CNTNAP2: variants seen among roughly 807,000 people sequenced by gnomAD.
The protein encoded by CNTNAP2 is contactin-associated protein-like 2.
Under a neutral mutation model 155.2 loss-of-function variants are expected in CNTNAP2, and 98 were observed. The observed-to-expected ratio is 0.63, with a 90% confidence interval of 0.54 to 0.75. The LOEUF (loss-of-function observed/expected upper bound fraction) is 0.75, where lower values mean the gene tolerates loss of function less well. Ranked by LOEUF, CNTNAP2 falls within the 30% of genes least tolerant of loss-of-function variation. CNTNAP2 has a pLI of 0.00. For synonymous variants in CNTNAP2, 651 were observed against 631.2 expected, an observed-to-expected ratio of 1.03 and a Z score of -0.47; for missense variants, 1,727 against 1,688.1, an observed-to-expected ratio of 1.02 and a Z score of -0.40.
intron 15 of CNTNAP2, among the ~76,000 whole-genome samples, chr7:148,063,904 A>G (rs769551085): frequency 6.6e-6 from 1 of 152,018 alleles, no homozygotes; most frequent in Non-Finnish European, 1.5e-5. Context: ...GTTAATTTTT[A>G]TATAAGGTGA....
At chr7:147,735,090 T>C (rs1796817819) in intron 13 of CNTNAP2, among the ~76,000 whole-genome samples, 1 of 152,138 alleles carries the variant, frequency 6.6e-6, no homozygotes, top group South Asian at 2.1e-4. Flanking sequence ...CTCTTGCTTC[T>C]CTAGTTCTTT....
At chr7:147,422,969 T>C (rs1764877412) in intron 10 of CNTNAP2, among the ~76,000 whole-genome samples, 1 of 152,242 alleles carries the variant, frequency 6.6e-6, no homozygotes, top group African/African-American at 2.4e-5. Context: ...AACAAAATTT[T>C]AACTTCTTTG....
intron 9 of CNTNAP2, among the ~76,000 whole-genome samples, chr7:147,363,385 T>C (rs1796176249): frequency 6.6e-6 from 1 of 152,206 alleles, no homozygotes; most frequent in Non-Finnish European, 1.5e-5. Context: ...TATTTCTTCA[T>C]AGCAGCTCAA....
chr7:147,245,313 T>C (rs886265333), intron 8 of CNTNAP2, among the ~76,000 whole-genome samples: 1 of 152,096 alleles, frequency 6.6e-6, no homozygotes, highest in Non-Finnish European at 1.5e-5. Flanking sequence ...CTCTAGAGAA[T>C]GCATTGTGCA....
At chr7:146,412,203 G>T (rs2535754) in intron 1 of CNTNAP2, among the ~76,000 whole-genome samples, 56,081 of 151,966 alleles carry the variant, frequency 0.37, 11,134 homozygotes, top group African/African-American at 0.51. Flanking sequence ...AGCCCTGCAG[G>T]TCGGCTCCTG....
chr7:147,874,683 T>A (rs2116706468), intron 13 of CNTNAP2, among the ~76,000 whole-genome samples: 1 of 152,368 alleles, frequency 6.6e-6, no homozygotes, highest in South Asian at 2.1e-4. Flanking sequence ...CAGCTTTGTT[T>A]GTTTGTTTAT....
intron 13 of CNTNAP2, among the ~76,000 whole-genome samples, chr7:147,864,647 C>T (rs1365715912): frequency 6.6e-6 from 1 of 152,036 alleles, no homozygotes; most frequent in Non-Finnish European, 1.5e-5. Context: ...CCTTCACATC[C>T]CTTGTAAGTT....
chr7:147,110,906 G>A (rs1372700690), intron 5 of CNTNAP2, among the ~76,000 whole-genome samples: 1 of 152,082 alleles, frequency 6.6e-6, no homozygotes. Flanking sequence ...TGGGATTGCT[G>A]GGTCAAATGG....
intron 9 of CNTNAP2, among the ~76,000 whole-genome samples, chr7:147,359,765 C>G (rs1290721314): frequency 1.3e-5 from 2 of 152,008 alleles, no homozygotes; most frequent in Non-Finnish European, 2.9e-5. Context: ...CAAATGTCAC[C>G]TTCTTGATGA....
intron 15 of CNTNAP2, among the ~76,000 whole-genome samples, chr7:148,003,098 G>A (rs1801924887): frequency 1.3e-5 from 2 of 152,128 alleles, no homozygotes; most frequent in South Asian, 4.1e-4. Context: ...AAGAACTAGT[G>A]AGGAAGATGC....
intron 23 of CNTNAP2, 147 bp from the exon 24 acceptor site, chr7:148,415,266 TCTTA>T: frequency 1.2e-6 from 1 of 837,812 alleles, no homozygotes; most frequent in Non-Finnish European, 1.9e-6. Flanking sequence ...AAAACAGACA[TCTTA>T]CTTCATTTTT....
In CNTNAP2 at chr7:147,233,654, A is replaced by G. The variant is rs56896902; in HGVS notation, c.1349-66487A>G. 7.7e-3 allele frequency among the ~76,000 whole-genome samples: 1,170 copies of G among 152,002 alleles called. 16 individuals are homozygous for G. The highest frequency in any genetic ancestry group is 0.027 in the African/African-American group (1,117 of 41,530). On this transcript the variant is annotated intron_variant, in intron 8 of 23. Coordinates refer to ENST00000361727, the MANE Select transcript of CNTNAP2 (RefSeq NM_014141.6). ...TGGTCACACTCTAAAGAAATTGTTA[A>G]TATTATACACACACATACACATACA...
At chr7:146,475,967 C>G (rs1796871631) in intron 1 of CNTNAP2, among the ~76,000 whole-genome samples, 1 of 152,034 alleles carries the variant, frequency 6.6e-6, no homozygotes, top group Admixed American at 6.6e-5. Flanking sequence ...TAAAGGCACT[C>G]TAAATTGAAA....
chr7:148,373,446 C>A (rs1365801940), intron 21 of CNTNAP2, among the ~76,000 whole-genome samples: 1 of 152,142 alleles, frequency 6.6e-6, no homozygotes, highest in East Asian at 1.9e-4. Context: ...CAGAGCGAGA[C>A]TCAGTCTCAA....
At chr7:147,064,495 A>G (rs1008396685) in intron 4 of CNTNAP2, among the ~76,000 whole-genome samples, 89 of 152,138 alleles carry the variant, frequency 5.8e-4, no homozygotes, top group Non-Finnish European at 2.2e-4. Context: ...CACACCATCT[A>G]TAGAGATTTG....
chr7:146,227,190 CCAAGGAGGGTGGAT>C (rs1799307448), intron 1 of CNTNAP2, among the ~76,000 whole-genome samples: 1 of 151,970 alleles, frequency 6.6e-6, no homozygotes, highest in Non-Finnish European at 1.5e-5. Flanking sequence ...CTTTGGGAGG[CCAAGGAGGGTGGAT>C]CACTTGAGGT....
At chr7:147,153,121 G>A (rs1360556744) in intron 8 of CNTNAP2, among the ~76,000 whole-genome samples, 1 of 151,984 alleles carries the variant, frequency 6.6e-6, no homozygotes, top group Non-Finnish European at 1.5e-5. Flanking sequence ...ATCATTTGAG[G>A]GAAGCAGAGA....
chr7:147,883,573 A>G (rs531602651), intron 13 of CNTNAP2, among the ~76,000 whole-genome samples: 20 of 152,318 alleles, frequency 1.3e-4, no homozygotes, highest in Non-Finnish European at 2.8e-4. Context: ...TACCTTTTAC[A>G]TAGAAAAATT....
intron 3 of CNTNAP2, among the ~76,000 whole-genome samples, chr7:146,981,522 C>A (rs897798002): frequency 1.3e-4 from 19 of 151,866 alleles, no homozygotes; most frequent in Admixed American, 6.6e-4. Flanking sequence ...GATACGTAGC[C>A]CATTAAAAAC....
Sources: allele counts gnomAD v4.1 joint callset (sites outside exome capture counted in the v4.1 genomes callset), GRCh38; gene constraint gnomAD v4.1.1; transcripts MANE v1.5; gene names NCBI Gene and HGNC (gene_info 2026-07-23, HGNC 2026-07-21).